Variants in LARGE1 observed in about 807,000 individuals in gnomAD.
The protein encoded by LARGE1 is LARGE xylosyl- and glucuronyltransferase 1, also known as xylosyl- and glucuronyltransferase LARGE1.
A neutral mutation model predicts 87.6 loss-of-function variants in LARGE1; 43 were observed. The observed-to-expected ratio is 0.49, with a 90% confidence interval of 0.38 to 0.63. The LOEUF (loss-of-function observed/expected upper bound fraction) is 0.63, where lower values mean the gene tolerates loss of function less well. LARGE1 is among the 30% of genes least tolerant of loss of function. LARGE1 has a pLI of 0.00. For synonymous variants in LARGE1, 434 were observed against 394.6 expected (o/e 1.10, Z -1.18); for missense variants, 802 against 1,000.2 (o/e 0.80, Z 2.67).
chr22:33,495,813 C>T (rs151019882), intron 6 of LARGE1, among the ~76,000 whole-genome samples: 3 of 152,154 alleles, frequency 2.0e-5, no homozygotes, highest in Non-Finnish European at 2.9e-5. Flanking sequence ...GTCATGATCA[C>T]GGTAGACTCT....
chr22:33,739,306 T>G lies in LARGE1; in HGVS notation c.106+22065A>C, dbSNP rs146343081. Among the ~76,000 whole-genome samples the G allele has an allele frequency of 5.9e-5, 9 of 152,222 alleles. No individual in the cohort carries two copies. The East Asian group carries it at 1.7e-3, about 29-fold the overall frequency. On this transcript the variant is annotated intron_variant, in intron 2 of 14. Coordinates refer to ENST00000397394, the MANE Select transcript of LARGE1 (RefSeq NM_133642.5). ...TCCATCCTAATTTCTTGATGAACTC[T>G]CGAGCCTCCCTGTCTCCTGTTCCTG... is the stretch of plus-strand genomic sequence containing the variant.
intron 7 of LARGE1, among the ~76,000 whole-genome samples, chr22:33,394,097 AAG>A (rs1171961339): frequency 6.8e-6 from 1 of 147,704 alleles, no homozygotes; most frequent in East Asian, 1.9e-4. Context: ...AAAAAAAAAA[AAG>A]AGAAGCTAAA....
chr22:33,139,303 G>GTA, the LARGE1 span, among the ~76,000 whole-genome samples: 2 of 152,022 alleles, frequency 1.3e-5, no homozygotes, highest in Admixed American at 6.6e-5. Flanking sequence ...TTGGCCATTT[G>GTA]TATATGAATT....
chr22:33,702,689 C>A (rs1469688876), intron 2 of LARGE1, among the ~76,000 whole-genome samples: 1 of 152,188 alleles, frequency 6.6e-6, no homozygotes, highest in African/African-American at 2.4e-5. Context: ...AGATAAGGTT[C>A]CTGCTGTGGT....
chr22:33,554,428 C>T (rs2077616665), intron 6 of LARGE1, among the ~76,000 whole-genome samples: 1 of 152,078 alleles, frequency 6.6e-6, no homozygotes, highest in Non-Finnish European at 1.5e-5. Flanking sequence ...TTATTAAAAA[C>T]AACAACAACA....
chr22:33,610,021 C>G (rs1170057231), intron 4 of LARGE1, among the ~76,000 whole-genome samples: 1 of 152,094 alleles, frequency 6.6e-6, no homozygotes, highest in Non-Finnish European at 1.5e-5. Context: ...TCCCTAGAAG[C>G]CAAGCAGATG....
chr22:33,686,019 G>T (rs1352135799), intron 2 of LARGE1, among the ~76,000 whole-genome samples: 1 of 152,178 alleles, frequency 6.6e-6, no homozygotes, highest in African/African-American at 2.4e-5. Flanking sequence ...ATTTATGGTA[G>T]TATTTATCGA....
At chr22:33,911,563 G>A (rs565237447) in intron 1 of LARGE1, among the ~76,000 whole-genome samples, 2 of 152,162 alleles carry the variant, frequency 1.3e-5, no homozygotes, top group South Asian at 4.2e-4. Flanking sequence ...CATAATCATC[G>A]TCATCCATGC....
chr22:33,573,582 A>G (rs930983446), intron 5 of LARGE1, among the ~76,000 whole-genome samples: 11 of 152,190 alleles, frequency 7.2e-5, no homozygotes, highest in African/African-American at 2.7e-4. Flanking sequence ...AGGGCGAGGG[A>G]CCAGGGTCCA....
At chr22:33,693,401 A>G (rs77613771) in intron 2 of LARGE1, among the ~76,000 whole-genome samples, 1 of 113,514 alleles carries the variant, frequency 8.8e-6, no homozygotes, top group South Asian at 2.2e-4. Context: ...AACTGAAATG[A>G]AAAAAAAAAA....
chr22:33,318,284 C>T (rs1202625330), intron 10 of LARGE1, among the ~76,000 whole-genome samples: 7 of 150,918 alleles, frequency 4.6e-5, no homozygotes, highest in Non-Finnish European at 7.4e-5. Flanking sequence ...ATCTGTATTT[C>T]CATAAAAACA....
the LARGE1 span, among the ~76,000 whole-genome samples, chr22:33,094,863 C>T: frequency 6.6e-6 from 1 of 152,212 alleles, no homozygotes; most frequent in East Asian, 1.9e-4. Context: ...GAATTACAGG[C>T]ATGCACCACC....
At chr22:33,849,831 C>T (rs2063537544) in intron 1 of LARGE1, among the ~76,000 whole-genome samples, 1 of 152,098 alleles carries the variant, frequency 6.6e-6, no homozygotes, top group African/African-American at 2.4e-5. Context: ...AAACTCCTGA[C>T]CTCAGGCGAT....
intron 6 of LARGE1, among the ~76,000 whole-genome samples, chr22:33,444,753 C>T (rs1179776015): frequency 6.6e-6 from 1 of 152,180 alleles, no homozygotes; most frequent in African/African-American, 2.4e-5. Context: ...AACAAATATT[C>T]ATTGCATCTA....
intron 1 of LARGE1, among the ~76,000 whole-genome samples, chr22:33,895,631 C>T (rs2065123156): frequency 6.6e-6 from 1 of 152,230 alleles, no homozygotes; most frequent in East Asian, 1.9e-4. Context: ...TCACCCTCTG[C>T]TCCTCAAAGC....
chr22:33,831,080 ATAT>A (rs1484979243), intron 1 of LARGE1, among the ~76,000 whole-genome samples: 1 of 150,788 alleles, frequency 6.6e-6, no homozygotes, highest in Non-Finnish European at 1.5e-5. Flanking sequence ...ATATTAGCAG[ATAT>A]TATTTTTTTC....
chr22:33,883,735 C>A (rs923800668), intron 1 of LARGE1, among the ~76,000 whole-genome samples: 3 of 152,208 alleles, frequency 2.0e-5, no homozygotes, highest in Non-Finnish European at 4.4e-5. Flanking sequence ...CCCAGAAAGC[C>A]CCATGACTCA....
At chr22:33,159,155 C>T (rs1368258922), downstream of LARGE1, among the ~76,000 whole-genome samples, 1 of 152,138 alleles carries the variant, frequency 6.6e-6, no homozygotes, top group Non-Finnish European at 1.5e-5. Context: ...CCTGTCACTT[C>T]CCCTTTCTGA....
intron 2 of LARGE1, chr22:33,725,538 G>A (rs1160071036): frequency 1.3e-5 from 2 of 151,416 alleles, no homozygotes; most frequent in African/African-American, 2.4e-5. Flanking sequence ...GGAGGACCAC[G>A]AACCCAAAGA....
Sources: gnomAD v4.1 joint callset for allele counts (sites outside exome capture counted in the v4.1 genomes callset) on GRCh38, gnomAD v4.1.1 for gene constraint, MANE v1.5 for transcripts, NCBI Gene and HGNC (gene_info 2026-07-23, HGNC 2026-07-21) for gene names.